The following TBC1D1 variants were observed in gnomAD, a reference collection of about 807,000 sequenced individuals.
TBC1D1 encodes the protein TBC1 domain family member 1.
TBC1D1 carries 89 observed loss-of-function variants against 125.6 expected under a neutral mutation model. That is an observed-to-expected ratio of 0.71 (90% CI 0.60 to 0.85). The LOEUF is 0.85. TBC1D1 is among the 40% of genes least tolerant of loss of function. The pLI, the probability that TBC1D1 is intolerant of heterozygous loss-of-function variation, is 0.00. For synonymous variants in TBC1D1, 565 were observed against 564.1 expected (o/e 1.00, Z -0.02); for missense variants, 1,377 against 1,469.2 (o/e 0.94, Z 1.03).
chr4:37,949,805 A>G (rs1727460164), intron 2 of TBC1D1, among the ~76,000 whole-genome samples: 1 of 152,202 alleles, frequency 6.6e-6, no homozygotes, highest in Admixed American at 6.5e-5. Flanking sequence ...AGACGGTACC[A>G]AAAGAATGGG....
chr4:38,021,030 G>A (rs928580233), intron 5 of TBC1D1, among the ~76,000 whole-genome samples: 2 of 152,112 alleles, frequency 1.3e-5, no homozygotes, highest in Admixed American at 6.5e-5. Context: ...TTCTCACACT[G>A]CTAATAAAGA....
intron 7 of TBC1D1, among the ~76,000 whole-genome samples, chr4:38,033,451 G>A (rs543605511): frequency 2.0e-5 from 3 of 152,002 alleles, no homozygotes; most frequent in South Asian, 2.1e-4. Context: ...CAGAGTTCCC[G>A]TATTAGCTTT....
Position 37,902,100 on chromosome 4 carries a change from A to C in TBC1D1, c.5A>C (p.Glu2Ala). 6.3e-7 allele frequency: 1 copy of C among 1,596,806 alleles called. No individual in the cohort carries two copies. Among genetic ancestry groups the C allele is most frequent in the Non-Finnish European group, 8.5e-7 (1 of 1,171,882 alleles). The change falls in exon 2 of 20, where the codon GAA becomes GCA. Residue 2 changes from glutamate to alanine, a missense_variant. Physicochemically the swap from Glu to Ala is moderately radical, Grantham distance 107. Transcript: ENST00000261439. ...AGTTCCCAGACCCTTCCCAAGATGG[A>C]ACCAATAACATTCACAGCAAGGAAA...
intron 2 of TBC1D1, among the ~76,000 whole-genome samples, chr4:37,988,507 A>AT (rs1290928323): frequency 6.6e-6 from 1 of 152,206 alleles, no homozygotes; most frequent in Admixed American, 6.5e-5. Flanking sequence ...GCGGTTGACG[A>AT]TTTATCCACA....
intron 12 of TBC1D1, among the ~76,000 whole-genome samples, chr4:38,076,805 A>G (rs1755676044): frequency 6.6e-6 from 1 of 152,096 alleles, no homozygotes; most frequent in South Asian, 2.1e-4. Flanking sequence ...GAGGAAAAAA[A>G]ACCCCAGCCA....
At chr4:38,053,293 G>T in intron 11 of TBC1D1, 68 bp downstream of exon 13, 1 of 1,203,622 alleles carries the variant, frequency 8.3e-7, no homozygotes. Flanking sequence ...GATATACAAG[G>T]GTGTTTTAAT....
intron 12 of TBC1D1, among the ~76,000 whole-genome samples, chr4:38,068,264 G>A (rs1340088791): frequency 9.2e-5 from 14 of 152,322 alleles, no homozygotes; most frequent in Admixed American, 7.2e-4. Context: ...GGCTGGTCAC[G>A]TGCAGCCACC....
chr4:37,942,753 G>T (rs1385322340), intron 2 of TBC1D1, among the ~76,000 whole-genome samples: 1 of 152,108 alleles, frequency 6.6e-6, no homozygotes, highest in African/African-American at 2.4e-5. Context: ...TGTTAGCCAG[G>T]ATGGTCTCGA....
In TBC1D1 at chr4:38,049,706, C is replaced by T. The variant is rs770172853; in HGVS notation, c.1718C>T (p.Ser573Leu). 10 of 1,614,138 alleles carry T rather than the reference C, an allele frequency of 6.2e-6. No individual in the cohort carries two copies. The highest frequency in any genetic ancestry group is 8.5e-6 in the Non-Finnish European group (10 of 1,180,008). ...TCCTCGGAGGACCTGTCCAGTGACTCGGAGAGTCATCTCCCAGAAGAGCCA... is the reference window on the plus strand; with the variant it reads ...TCCTCGGAGGACCTGTCCAGTGACTTGGAGAGTCATCTCCCAGAAGAGCCA... The change falls in exon 11 of 20, where the codon TCG (serine) becomes TTG (leucine). Residue 573 changes from serine to leucine, a missense_variant. This residue lies in a region of TBC1D1 where 822 missense variants were observed against 824.6 expected (regional missense o/e 1.00). Transcript: ENST00000261439.
intron 2 of TBC1D1, among the ~76,000 whole-genome samples, chr4:37,956,312 C>G (rs559076243): frequency 6.6e-6 from 1 of 152,168 alleles, no homozygotes; most frequent in African/African-American, 2.4e-5. Context: ...AGCCACCACA[C>G]CCGGCTTAAT....
intron 1 of TBC1D1, among the ~76,000 whole-genome samples, chr4:37,898,132 T>C (rs918951242): frequency 6.6e-6 from 1 of 152,222 alleles, no homozygotes; most frequent in African/African-American, 2.4e-5. Flanking sequence ...AGAATAGACT[T>C]CAGTTCCTGT....
intron 2 of TBC1D1, among the ~76,000 whole-genome samples, chr4:37,927,071 A>T (rs1235658235): frequency 6.6e-6 from 1 of 152,202 alleles, no homozygotes; most frequent in African/African-American, 2.4e-5. Flanking sequence ...TTGAGTCATG[A>T]TCACGCCACT....
chr4:38,092,734 TAAAAAAAAA>T (rs772977772), intron 13 of TBC1D1, among the ~76,000 whole-genome samples: 1 of 131,162 alleles, frequency 7.6e-6, no homozygotes, highest in Non-Finnish European at 1.6e-5. Context: ...GACTCCATCT[TAAAAAAAAA>T]AAAAAAAAGA....
intron 17 of TBC1D1, among the ~76,000 whole-genome samples, chr4:38,124,114 T>C (rs1764269939): frequency 6.6e-6 from 1 of 152,240 alleles, no homozygotes. Flanking sequence ...ATTTTTAAAA[T>C]TGTTTTTTTC....
At chr4:38,064,742 G>A (rs2152501624) in intron 12 of TBC1D1, among the ~76,000 whole-genome samples, 1 of 151,266 alleles carries the variant, frequency 6.6e-6, no homozygotes, top group Non-Finnish European at 1.5e-5. Context: ...TCCTGCCTCA[G>A]CCTCCCAAGT....
chr4:37,955,486 T>C (rs1405855892), intron 2 of TBC1D1, among the ~76,000 whole-genome samples: 2 of 152,242 alleles, frequency 1.3e-5, no homozygotes, highest in Non-Finnish European at 2.9e-5. Context: ...AGATTACTTA[T>C]ACTACTCAAT....
intron 11 of TBC1D1, 106 bp downstream of exon 12, chr4:38,052,166 ACTGTGTGTGT>A (rs2152482653): frequency 1.1e-6 from 1 of 881,614 alleles, no homozygotes; most frequent in East Asian, 2.9e-5. Context: ...AAGCAGAGCC[ACTGTGTGTGT>A]GTGTGTGTGT....
chr4:38,015,060 CA>C (rs1195907154), intron 3 of TBC1D1, 87 bp downstream of exon 3: 1 of 1,123,118 alleles, frequency 8.9e-7, no homozygotes, highest in Non-Finnish European at 1.2e-6. Context: ...GATTCTTAGT[CA>C]ATTGCTTTTG....
intron 1 of TBC1D1, among the ~76,000 whole-genome samples, chr4:37,893,222 A>G (rs1326314772): frequency 1.3e-5 from 2 of 152,060 alleles, no homozygotes; most frequent in Non-Finnish European, 2.9e-5. Flanking sequence ...ACATGCTTTT[A>G]ATTTGATCTG....
Sources: gnomAD v4.1 joint callset for allele counts (sites outside exome capture counted in the v4.1 genomes callset) on GRCh38, gnomAD v4.1.1 for gene constraint, gnomAD v4.1.1 regional missense constraint, MANE v1.5 for transcripts, NCBI Gene and HGNC (gene_info 2026-07-23, HGNC 2026-07-21) for gene names.